The following EFEMP1 variants were observed in gnomAD, a reference collection of about 807,000 sequenced individuals.
EFEMP1 encodes the protein EGF-like fibulin extracellular matrix protein 1, also known as EGF-containing fibulin-like extracellular matrix protein 1.
Under a neutral mutation model 65.7 loss-of-function variants are expected in EFEMP1, and 18 were observed. The observed-to-expected ratio is 0.27, with a 90% confidence interval of 0.19 to 0.41. The LOEUF (loss-of-function observed/expected upper bound fraction) is 0.41, where lower values mean the gene tolerates loss of function less well. Ranked by LOEUF, EFEMP1 falls within the 10% of genes least tolerant of loss-of-function variation. The pLI is 1.00. For synonymous variants in EFEMP1, 237 were observed against 219.7 expected, an observed-to-expected ratio of 1.08 and a Z score of -0.70; for missense variants, 469 against 624.8, an observed-to-expected ratio of 0.75 and a Z score of 2.66.
Position 55,923,678 on chromosome 2 carries a change from C to T in EFEMP1, c.-49+33G>A, listed in dbSNP as rs1037004807. ...CGCGCGGCCCAGTGAGTACTGGGCT[C>T]GCTCGGGGCGACCCCCCGTTGGGGG... On this transcript the variant is annotated intron_variant, in intron 1 of 11. Transcript: ENST00000355426. This position sits in a 1 kb window ranked among gnomAD's most constrained non-coding sequence, Gnocchi z 5.3. 9 of 985,644 alleles carry T rather than the reference C, an allele frequency of 9.1e-6. No homozygotes were observed. Among genetic ancestry groups the T allele is most frequent in the Admixed American group, 6.1e-5 (1 of 16,272 alleles). The allele number at this position is 985,644 out of a possible 1,614,324, so 61.1% of individuals were successfully genotyped here.
Position 55,919,563 on chromosome 2 carries a change from G to A in EFEMP1, c.82-1296C>T, listed in dbSNP as rs575592756. ...CGCTCATTTGAGAAAGTCACTGTAAGGAAGAAGCCCAAGGAAGGATTGAGC... is the reference window on the plus strand; with the variant it reads ...CGCTCATTTGAGAAAGTCACTGTAAAGAAGAAGCCCAAGGAAGGATTGAGC... On this transcript the variant is annotated intron_variant, in intron 3 of 11. Transcript: ENST00000355426. The surrounding 1 kb of genome is among the most constrained non-coding windows in gnomAD (Gnocchi z 4.5). 6.7e-4 allele frequency among the ~76,000 whole-genome samples: 102 copies of A among 152,302 alleles called. No individual in the cohort carries two copies. The highest frequency in any genetic ancestry group is 1.2e-3 in the Non-Finnish European group (85 of 68,032).
At position 55,917,575 on chromosome 2, in the gene EFEMP1, C is replaced by G. The variant is rs911792904; in HGVS notation, c.517+90G>C. The G allele has an allele frequency of 3.2e-6, 5 of 1,541,152 alleles. No homozygotes were observed. Among genetic ancestry groups the G allele is most frequent in the Non-Finnish European group, 4.5e-6 (5 of 1,114,436 alleles). On this transcript the variant is annotated intron_variant, in intron 5 of 11. Transcript: ENST00000355426. The surrounding 1 kb of genome is among the most constrained non-coding windows in gnomAD (Gnocchi z 6.3). ...AGCACTTAGCATGATGTCTGGCACG[C>G]GAGAAGTCCTTAATAAATTATCATC... is the stretch of plus-strand genomic sequence containing the variant.
intron 6 of EFEMP1, among the ~76,000 whole-genome samples, chr2:55,881,206 G>A (rs1444034016): frequency 1.3e-5 from 2 of 152,156 alleles, no homozygotes; most frequent in Non-Finnish European, 2.9e-5. Context: ...AGCGAGCTGG[G>A]GTTGGTGCTT....
Position 55,867,091 on chromosome 2 carries a change from C to A in EFEMP1, c.1464G>T (p.Val488=). The change falls in exon 12 of 12, where the codon GTG becomes GTT. Residue 488 remains valine (V), a synonymous_variant. Coordinates refer to ENST00000355426, the MANE Select transcript of EFEMP1 (RefSeq NM_001039348.3). This position sits in a 1 kb window ranked among gnomAD's most constrained non-coding sequence, Gnocchi z 4.3. ...TSSVLRLTII[V]GPFSF ...GAAAAGACTAAAATGAAAATGGCCCCACTATTATTGTCAATCTTAACACAG... is the reference window on the plus strand; with the variant it reads ...GAAAAGACTAAAATGAAAATGGCCCAACTATTATTGTCAATCTTAACACAG... 6.2e-7 allele frequency: 1 copy of A among 1,612,924 alleles called. No homozygotes were observed. Among genetic ancestry groups the A allele is most frequent in the Non-Finnish European group, 8.5e-7 (1 of 1,179,862 alleles).
Position 55,918,135 on chromosome 2 carries a change from A to G in EFEMP1, c.130+84T>C, listed in dbSNP as rs10496056. ...AATATAATGCTCATGCCTTTTTGGT[A>G]TAACACAGACAGGACAGGAAGAGTG... On this transcript the variant is annotated intron_variant, in intron 4 of 11. Transcript: ENST00000355426. The G allele has an allele frequency of 0.063, 102,032 of 1,612,612 alleles. 4,285 individuals carry two copies. The highest frequency in any genetic ancestry group is 0.2 in the African/African-American group (14,951 of 74,934).
In EFEMP1 at chr2:55,923,274, C is replaced by G. The variant is rs1670976112; in HGVS notation, c.-48-335G>C. Among the ~76,000 whole-genome samples the G allele has an allele frequency of 6.6e-6, 1 of 152,182 alleles. No individual in the cohort carries two copies. Among genetic ancestry groups the G allele is most frequent in the Non-Finnish European group, 1.5e-5 (1 of 68,038 alleles). ...GGGATCGCACCGCAGCCCAAGGTAC[C>G]AGTTTCGGGCGGGCGGCCTGGCCCG... On this transcript the variant is annotated intron_variant, in intron 1 of 11. Transcript: ENST00000355426. The surrounding 1 kb of genome is among the most constrained non-coding windows in gnomAD (Gnocchi z 5.3).
At position 55,871,721 on chromosome 2, in the gene EFEMP1, AG is replaced by A. The variant is rs1199311023; in HGVS notation, c.1001-599del. On this transcript the variant is annotated intron_variant, in intron 9 of 11. Transcript: ENST00000355426. This position sits in a 1 kb window ranked among gnomAD's most constrained non-coding sequence, Gnocchi z 4.2. ...TTATCATCTCTTTCAGGAACTTGGG[AG>A]AAAGGTAAAGGCTAGAAATCTGGTT... 1.3e-5 allele frequency among the ~76,000 whole-genome samples: 2 copies of A among 152,046 alleles called. No homozygotes were observed. The highest frequency in any genetic ancestry group is 3.9e-4 in the East Asian group (2 of 5,180).
intron 5 of EFEMP1, among the ~76,000 whole-genome samples, chr2:55,915,246 A>G (rs758377301): frequency 6.6e-6 from 1 of 152,228 alleles, no homozygotes; most frequent in Non-Finnish European, 1.5e-5. Context: ...TGGCTGAATT[A>G]CACAGATCAA....
intron 11 of EFEMP1, among the ~76,000 whole-genome samples, chr2:55,868,374 C>T (rs1445086054): frequency 1.3e-5 from 2 of 152,122 alleles, no homozygotes; most frequent in East Asian, 3.9e-4. Context: ...GTGGATGACA[C>T]AGTTCAGTGA....
chr2:55,877,273 C>A lies in EFEMP1; in HGVS notation c.760+473G>T, dbSNP rs1188920632. ...CGGAGTTTTGCAATGCTCTAAAGCA[C>A]TGAAAATATTGTGAAAAGGCATTTT... On this transcript the variant is annotated intron_variant, in intron 7 of 11. Coordinates refer to ENST00000355426, the MANE Select transcript of EFEMP1 (RefSeq NM_001039348.3). The surrounding 1 kb of genome is among the most constrained non-coding windows in gnomAD (Gnocchi z 4.5). Among the ~76,000 whole-genome samples the A allele has an allele frequency of 1.3e-5, 2 of 152,080 alleles. No individual in the cohort carries two copies. Among genetic ancestry groups the A allele is most frequent in the African/African-American group, 4.8e-5 (2 of 41,418 alleles).
At chr2:55,899,159 CCT>C (rs1277842364) in intron 5 of EFEMP1, among the ~76,000 whole-genome samples, 1 of 152,208 alleles carries the variant, frequency 6.6e-6, no homozygotes, top group Non-Finnish European at 1.5e-5. Flanking sequence ...ACCAATTCCT[CCT>C]CTGACTTCTC....
rs1668598598 is a variant in EFEMP1, at chr2:55,866,937, G to A, written c.*136C>T. Reference sequence around the variant, plus strand: ...TTAAATGCCCACTTTATACCATGGTGTAATTGTTTGAATTATGGGTGAGTG... The same window carrying A: ...TTAAATGCCCACTTTATACCATGGTATAATTGTTTGAATTATGGGTGAGTG... On this transcript the variant is annotated 3_prime_UTR_variant, in exon 12 of 12. Transcript: ENST00000355426. The A allele has an allele frequency of 8.9e-7, 1 of 1,128,622 alleles. No homozygotes were observed. The highest frequency in any genetic ancestry group is 1.3e-6 in the Non-Finnish European group (1 of 771,126). The allele number at this position is 1,128,622 out of a possible 1,614,324, so 69.9% of individuals were successfully genotyped here. A position where few individuals can be genotyped will look rare whatever the true frequency, so the allele number is the denominator to read the frequency against.
intron 5 of EFEMP1, among the ~76,000 whole-genome samples, chr2:55,888,936 G>A (rs1335865737): frequency 6.6e-6 from 1 of 152,132 alleles, no homozygotes; most frequent in Non-Finnish European, 1.5e-5. Flanking sequence ...CCGGCCACTT[G>A]ATCTCTCCTC....
rs1028964334 is a variant in EFEMP1, at chr2:55,873,089, C to CACACACACAA, written c.1000+1856_1000+1857insTTGTGTGTGT. Reference sequence around the variant, plus strand: ...CTCCACACACACACACACACACACACACACACACACACAGTTTTCATTTGT... The same window carrying CACACACACAA: ...CTCCACACACACACACACACACACACACACACACAAACACACACACACAGTTTTCATTTGT... On this transcript the variant is annotated intron_variant, in intron 9 of 11. Transcript: ENST00000355426. This position sits in a 1 kb window ranked among gnomAD's most constrained non-coding sequence, Gnocchi z 4.6. Among the ~76,000 whole-genome samples, 2 of 150,754 alleles carry CACACACACAA rather than the reference C, an allele frequency of 1.3e-5. No individual in the cohort carries two copies.
chr2:55,917,677 T>C lies in EFEMP1; in HGVS notation c.505A>G (p.Asn169Asp), dbSNP rs1232184871. ...AAGTTATTCCTACCTTGGCACACGT[T>C]GTGTTCACTTTGCTCGTAGCCTGCT... ...CAAGYEQSEH[N>D]VCQDIDECTA... is the part of the protein sequence containing the mutation. Residue 169 changes from asparagine to aspartate, a missense_variant, in exon 5 of 12, where the codon AAC becomes GAC. Around this residue, in one of 3 missense-constraint regions of EFEMP1, gnomAD observed 399 missense variants for 528.2 expected, o/e 0.76. Transcript: ENST00000355426. This position sits in a 1 kb window ranked among gnomAD's most constrained non-coding sequence, Gnocchi z 6.3. 6.2e-7 allele frequency: 1 copy of C among 1,614,198 alleles called. No homozygotes were observed.
chr2:55,882,432 A>C (rs1669273337), intron 5 of EFEMP1, among the ~76,000 whole-genome samples: 1 of 152,222 alleles, frequency 6.6e-6, no homozygotes, highest in Non-Finnish European at 1.5e-5. Flanking sequence ...TTCTTGGAAT[A>C]ATTTACTAAA....
Position 55,921,396 on chromosome 2 carries a change from A to G in EFEMP1, c.81+964T>C, listed in dbSNP as rs950683704. Among the ~76,000 whole-genome samples the G allele has an allele frequency of 6.6e-6, 1 of 152,272 alleles. No individual in the cohort carries two copies. ...AAAAAGTGAGATAATGTTTATTATC[A>G]GTAATTGACATTAGTTCATTTTTAA... On this transcript the variant is annotated intron_variant, in intron 3 of 11. Transcript: ENST00000355426. The surrounding 1 kb of genome is among the most constrained non-coding windows in gnomAD (Gnocchi z 4.1).
intron 5 of EFEMP1, among the ~76,000 whole-genome samples, chr2:55,913,588 G>A (rs180964979): frequency 2.1e-5 from 3 of 142,576 alleles, no homozygotes; most frequent in Admixed American, 2.0e-4. Flanking sequence ...TCTCTTTCTT[G>A]TCAGTTCCCA....
intron 8 of EFEMP1, among the ~76,000 whole-genome samples, chr2:55,875,932 G>T (rs1000292301): frequency 1.3e-5 from 2 of 151,350 alleles, no homozygotes; most frequent in Admixed American, 6.6e-5. Context: ...TCTCGGTGGG[G>T]TTTGAGCTTT....
Sources: allele counts gnomAD v4.1 joint callset (sites outside exome capture counted in the v4.1 genomes callset), GRCh38; gene constraint gnomAD v4.1.1; regional missense constraint gnomAD v4.1.1; non-coding constraint Gnocchi (gnomAD v3.1); transcripts MANE v1.5; gene names NCBI Gene and HGNC (gene_info 2026-07-23, HGNC 2026-07-21).